FMN1: variants seen among roughly 807,000 people sequenced by gnomAD.
The protein encoded by FMN1 is formin 1, also known as formin-1.
Under a neutral mutation model 132.4 loss-of-function variants are expected in FMN1, and 110 were observed. The observed-to-expected ratio is 0.83, with a 90% CI of 0.71 to 0.97. The LOEUF is 0.97. FMN1 is among the 50% of genes least tolerant of loss of function. FMN1 has a pLI of 0.00. For synonymous variants in FMN1, 722 were observed against 651.7 expected, an observed-to-expected ratio of 1.11 and a Z score of -1.64; for missense variants, 1,792 against 1,705.3, an observed-to-expected ratio of 1.05 and a Z score of -0.90.
intron 16 of FMN1, among the ~76,000 whole-genome samples, chr15:32,872,286 A>T (rs1480378169): frequency 6.6e-6 from 1 of 152,232 alleles, no homozygotes; most frequent in African/African-American, 2.4e-5. Context: ...GTCATTTGTG[A>T]AGAACATATA....
intron 4 of FMN1, among the ~76,000 whole-genome samples, chr15:33,123,257 G>A (rs866585021): frequency 6.6e-6 from 1 of 151,854 alleles, no homozygotes; most frequent in African/African-American, 2.4e-5. Context: ...TGTCCACTCT[G>A]CTGCTTAATC....
rs998961901 is a variant in FMN1, at chr15:32,773,203, A to G, written c.*1107T>C. On this transcript the variant is annotated 3_prime_UTR_variant, in exon 21 of 21. Coordinates refer to ENST00000616417, the MANE Select transcript of FMN1 (RefSeq NM_001277313.2). ...CACTTGGAAGTTTTCTATTAATGTA[A>G]TTACTTTCATTTTGATGTAAGGAAC... is the stretch of plus-strand genomic sequence containing the variant. The G allele has an allele frequency of 2.6e-5, 4 of 152,164 alleles. No individual in the cohort carries two copies. Among genetic ancestry groups the G allele is most frequent in the African/African-American group, 9.7e-5 (4 of 41,432 alleles). The allele number at this position is 152,164 out of a possible 1,614,324, so 9.4% of individuals were successfully genotyped here. A position where few individuals can be genotyped will look rare whatever the true frequency, so the allele number is the denominator to read the frequency against.
chr15:32,926,246 C>T lies in FMN1; in HGVS notation c.3154G>A (p.Asp1052Asn). The T allele has an allele frequency of 6.5e-7, 1 of 1,532,850 alleles. No homozygotes were observed. The highest frequency in any genetic ancestry group is 8.8e-7 in the Non-Finnish European group (1 of 1,136,086). The allele number at this position is 1,532,850 out of a possible 1,614,324, so 95.0% of individuals were successfully genotyped here. Residue 1052 changes from aspartate (D) to asparagine (N), a missense_variant, in exon 10 of 21, where the codon GAT (aspartate) becomes AAT (asparagine). Asp to Asn is a conservative substitution (Grantham distance 23). Transcript: ENST00000616417. ...CCCACAGTTTGAGATCGTTTTCCAT[C>T]CAACAATTTGATGATCTAAAATTAG... is the stretch of plus-strand genomic sequence containing the variant. ...NKVKKIIKLLDGKRSQTVGIL... is the reference protein window; with the variant it reads ...NKVKKIIKLLNGKRSQTVGIL...
intron 12 of FMN1, among the ~76,000 whole-genome samples, chr15:32,905,209 G>A (rs1422664096): frequency 2.0e-5 from 3 of 152,172 alleles, no homozygotes; most frequent in Non-Finnish European, 1.5e-5. Flanking sequence ...TCAGCTGACG[G>A]GTGGAATGAA....
chr15:32,808,616 C>A (rs1048076550), intron 17 of FMN1, among the ~76,000 whole-genome samples: 15 of 152,122 alleles, frequency 9.9e-5, no homozygotes, highest in Admixed American at 9.8e-4. Flanking sequence ...GAGCCTTATC[C>A]GTAAAATGGG....
At chr15:32,888,047 T>A in intron 16 of FMN1, 125 bp downstream of exon 16, 1 of 689,658 alleles carries the variant, frequency 1.4e-6, no homozygotes, top group South Asian at 3.3e-5. Flanking sequence ...TCCTGAAAGC[T>A]GTAGTGTACC....
At chr15:32,810,687 G>A (rs370830386) in intron 17 of FMN1, among the ~76,000 whole-genome samples, 2 of 152,166 alleles carry the variant, frequency 1.3e-5, no homozygotes, top group African/African-American at 4.8e-5. Flanking sequence ...GAAGGAGGAG[G>A]CCACTCTTTA....
chr15:33,098,742 T>C (rs1273290043), intron 4 of FMN1, among the ~76,000 whole-genome samples: 1 of 152,080 alleles, frequency 6.6e-6, no homozygotes, highest in Non-Finnish European at 1.5e-5. Flanking sequence ...TGAATCAAGA[T>C]TTTGGAGATG....
chr15:32,897,182 T>A (rs2060180503), intron 15 of FMN1, among the ~76,000 whole-genome samples: 1 of 152,216 alleles, frequency 6.6e-6, no homozygotes, highest in Admixed American at 6.5e-5. Flanking sequence ...CCTGGATGAT[T>A]AGTGATGTTG....
chr15:33,008,124 A>G (rs1391716541), intron 6 of FMN1, 49 bp from the exon 7 acceptor site: 2 of 1,437,172 alleles, frequency 1.4e-6, no homozygotes, highest in Non-Finnish European at 1.9e-6. Flanking sequence ...AAAATTAAGC[A>G]CAAAATTTAT....
chr15:32,831,817 A>G (rs1270050203), intron 17 of FMN1, among the ~76,000 whole-genome samples: 1 of 151,004 alleles, frequency 6.6e-6, no homozygotes, highest in Non-Finnish European at 1.5e-5. Flanking sequence ...TCCCGGTGTC[A>G]GTAAGTAAAA....
At chr15:32,983,750 C>G (rs919419146) in intron 7 of FMN1, among the ~76,000 whole-genome samples, 2 of 152,108 alleles carry the variant, frequency 1.3e-5, no homozygotes, top group African/African-American at 4.8e-5. Flanking sequence ...CTTAAAGAGA[C>G]TCAAGTGTTC....
At chr15:33,100,732 G>A (rs1332356654) in intron 4 of FMN1, among the ~76,000 whole-genome samples, 1 of 152,110 alleles carries the variant, frequency 6.6e-6, no homozygotes, top group East Asian at 1.9e-4. Context: ...TAAGTAAATG[G>A]AAGCTAATCA....
intron 10 of FMN1, among the ~76,000 whole-genome samples, chr15:32,917,275 C>T (rs2140304655): frequency 6.6e-6 from 1 of 152,292 alleles, no homozygotes; most frequent in South Asian, 2.1e-4. Context: ...TCATAGTTCT[C>T]CTACAACCTA....
intron 9 of FMN1, among the ~76,000 whole-genome samples, chr15:32,943,441 C>A (rs779822204): frequency 5.3e-5 from 8 of 152,160 alleles, no homozygotes; most frequent in Non-Finnish European, 1.2e-4. Flanking sequence ...CATTAAGAGG[C>A]TGGTTGGTAA....
chr15:33,187,892 T>C (rs1965941592), intron 2 of FMN1, among the ~76,000 whole-genome samples: 1 of 152,212 alleles, frequency 6.6e-6, no homozygotes, highest in Non-Finnish European at 1.5e-5. Flanking sequence ...TGGAGACTCT[T>C]ATCTGCAAGG....
At chr15:32,995,607 A>T (rs1482025949) in intron 7 of FMN1, among the ~76,000 whole-genome samples, 1 of 152,188 alleles carries the variant, frequency 6.6e-6, no homozygotes, top group African/African-American at 2.4e-5. Flanking sequence ...TATTACCATC[A>T]TTACTAAATG....
chr15:33,061,020 T>C (rs574117805), intron 6 of FMN1, among the ~76,000 whole-genome samples: 31 of 152,326 alleles, frequency 2.0e-4, no homozygotes, highest in Non-Finnish European at 3.8e-4. Context: ...CAGCTTTCGG[T>C]TGAGTGTTCG....
chr15:32,898,370 G>A (rs1353378596), intron 15 of FMN1, among the ~76,000 whole-genome samples: 1 of 152,088 alleles, frequency 6.6e-6, no homozygotes, highest in Non-Finnish European at 1.5e-5. Flanking sequence ...ATTTCTAATT[G>A]CAAATGCCCT....
Sources: allele counts gnomAD v4.1 joint callset (sites outside exome capture counted in the v4.1 genomes callset), GRCh38; gene constraint gnomAD v4.1.1; transcripts MANE v1.5; gene names NCBI Gene and HGNC (gene_info 2026-07-23, HGNC 2026-07-21).